The following ABCA13 variants were observed in gnomAD, a reference collection of about 807,000 sequenced individuals.
ABCA13 encodes ATP binding cassette subfamily A member 13, also known as ATP-binding cassette sub-family A member 13.
ABCA13 carries 476 observed loss-of-function variants against 478.7 expected under a neutral mutation model. That is an observed-to-expected ratio of 0.99 (90% CI 0.92 to 1.07). The LOEUF is 1.07. ABCA13 is among the 50% of genes least tolerant of loss of function. The pLI is 0.00. For missense variants in ABCA13, 6,060 were observed against 5,910.6 expected (o/e 1.03, Z -0.83); for synonymous variants, 2,252 against 2,158.9 (o/e 1.04, Z -1.20).
intron 31 of ABCA13, among the ~76,000 whole-genome samples, chr7:48,354,848 C>G (rs1439764149): frequency 6.6e-6 from 1 of 151,990 alleles, no homozygotes; most frequent in Non-Finnish European, 1.5e-5. Context: ...AACTCAGTCA[C>G]TTGAGTAAAA....
At chr7:48,505,602 C>T (rs991936955) in intron 48 of ABCA13, among the ~76,000 whole-genome samples, 1 of 152,206 alleles carries the variant, frequency 6.6e-6, no homozygotes, top group African/African-American at 2.4e-5. Context: ...ACTCCAATCA[C>T]TGACACAACC....
At chr7:48,450,999 T>C (rs1377808750) in intron 42 of ABCA13, among the ~76,000 whole-genome samples, 1 of 142,842 alleles carries the variant, frequency 7.0e-6, no homozygotes, top group East Asian at 2.2e-4. Context: ...TCTTTTTCTT[T>C]TTCTTTTTTT....
intron 3 of ABCA13, among the ~76,000 whole-genome samples, chr7:48,206,247 CAG>C (rs1474172818): frequency 2.0e-5 from 3 of 152,328 alleles, no homozygotes; most frequent in Admixed American, 1.3e-4. Context: ...GCGTATATGA[CAG>C]GGGTCACATA....
chr7:48,417,600 T>C (rs1820198644), intron 41 of ABCA13, among the ~76,000 whole-genome samples: 1 of 152,202 alleles, frequency 6.6e-6, no homozygotes, highest in Non-Finnish European at 1.5e-5. Flanking sequence ...TCTGTGTCCC[T>C]CTGCCTCCCT....
At chr7:48,181,641 T>C (rs1252600282) in intron 1 of ABCA13, among the ~76,000 whole-genome samples, 1 of 152,192 alleles carries the variant, frequency 6.6e-6, no homozygotes, top group Non-Finnish European at 1.5e-5. Context: ...AAAGGTCATT[T>C]TGTCATATCT....
chr7:48,470,920 G>A (rs1222065031), intron 44 of ABCA13, among the ~76,000 whole-genome samples: 1 of 152,112 alleles, frequency 6.6e-6, no homozygotes, highest in Non-Finnish European at 1.5e-5. Flanking sequence ...TATCATTACT[G>A]AAACAAAGTT....
chr7:48,204,015 C>G (rs1784574056), intron 3 of ABCA13, among the ~76,000 whole-genome samples: 1 of 152,134 alleles, frequency 6.6e-6, no homozygotes, highest in African/African-American at 2.4e-5. Flanking sequence ...TGCCTCTTTT[C>G]CAACCACCAT....
At chr7:48,644,987 G>A (rs946137586) in intron 61 of ABCA13, among the ~76,000 whole-genome samples, 1 of 151,946 alleles carries the variant, frequency 6.6e-6, no homozygotes, top group African/African-American at 2.4e-5. Flanking sequence ...ATTATTTTGG[G>A]CATTTAACTA....
intron 55 of ABCA13, among the ~76,000 whole-genome samples, chr7:48,567,944 C>T (rs1787242800): frequency 6.6e-6 from 1 of 152,024 alleles, no homozygotes; most frequent in African/African-American, 2.4e-5. Context: ...GGAACAATCC[C>T]CAATACGTAT....
At chr7:48,445,366 T>C (rs561426784) in intron 42 of ABCA13, among the ~76,000 whole-genome samples, 2 of 152,304 alleles carry the variant, frequency 1.3e-5, no homozygotes, top group East Asian at 1.9e-4. Context: ...AAATATTTAA[T>C]GGTTTTTCAT....
chr7:48,327,164 G>C (rs1174389235), intron 27 of ABCA13, among the ~76,000 whole-genome samples: 1 of 152,176 alleles, frequency 6.6e-6, no homozygotes, highest in African/African-American at 2.4e-5. Flanking sequence ...ATAAAGGAAA[G>C]AGGTTTAATT....
intron 38 of ABCA13, among the ~76,000 whole-genome samples, chr7:48,395,918 T>C (rs1816774182): frequency 6.6e-6 from 1 of 152,160 alleles, no homozygotes; most frequent in African/African-American, 2.4e-5. Context: ...GTGTGGTGCT[T>C]TAAGTCCCTG....
At chr7:48,303,792 G>T (rs1430279125) in intron 23 of ABCA13, among the ~76,000 whole-genome samples, 1 of 152,074 alleles carries the variant, frequency 6.6e-6, no homozygotes, top group Non-Finnish European at 1.5e-5. Context: ...AATTTGCAAA[G>T]TATCATTTTT....
intron 30 of ABCA13, 136 bp downstream of exon 30, chr7:48,350,955 A>G: frequency 1.0e-6 from 1 of 960,292 alleles, no homozygotes; most frequent in South Asian, 1.8e-5. Flanking sequence ...CATAAAATAA[A>G]GCAGAACTGT....
At chr7:48,266,350 T>G (rs1344955865) in intron 15 of ABCA13, among the ~76,000 whole-genome samples, 3 of 151,736 alleles carry the variant, frequency 2.0e-5, no homozygotes, top group African/African-American at 7.2e-5. Flanking sequence ...GGGTATTATT[T>G]CTCACTTAAA....
At chr7:48,335,396 A>G (rs1182221961) in intron 27 of ABCA13, 26 bp from the exon 28 acceptor site, 7 of 1,500,534 alleles carry the variant, frequency 4.7e-6, no homozygotes, top group Admixed American at 3.4e-5. Context: ...AATAAGAGAC[A>G]TATCCAAATA....
At chr7:48,336,229 C>T (rs1806245110) in intron 28 of ABCA13, among the ~76,000 whole-genome samples, 3 of 152,120 alleles carry the variant, frequency 2.0e-5, no homozygotes, top group South Asian at 2.1e-4. Flanking sequence ...AATGAGGAAG[C>T]GATAGTAGTT....
chr7:48,504,518 A>G (rs73694655), intron 48 of ABCA13, among the ~76,000 whole-genome samples: 2,547 of 152,218 alleles, frequency 0.017, 62 homozygotes, highest in African/African-American at 0.058. Flanking sequence ...GACTGGGAAG[A>G]TGATGGGGAT....
At chr7:48,297,798 T>TG (rs1183237392) in intron 22 of ABCA13, among the ~76,000 whole-genome samples, 2 of 151,694 alleles carry the variant, frequency 1.3e-5, no homozygotes, top group African/African-American at 2.4e-5. Context: ...TTTTTTTTTT[T>TG]TGTGTCTCAC....
Sources: allele counts gnomAD v4.1 joint callset (sites outside exome capture counted in the v4.1 genomes callset), GRCh38; gene constraint gnomAD v4.1.1; transcripts MANE v1.5; gene names NCBI Gene and HGNC (gene_info 2026-07-23, HGNC 2026-07-21).